SLC38A6: variants seen among roughly 807,000 people sequenced by gnomAD.
SLC38A6 encodes the protein solute carrier family 38 member 6.
A neutral mutation model predicts 65.0 loss-of-function variants in SLC38A6; 73 were observed. The ratio of observed to expected loss-of-function variants is 1.12; its 90% CI spans 0.93 to 1.37. SLC38A6 has a LOEUF of 1.37. Ranked by LOEUF, SLC38A6 falls within the 40% of genes most tolerant of loss-of-function variation. The pLI is 0.00. For missense variants in SLC38A6, 561 were observed against 531.1 expected (o/e 1.06, Z -0.55); for synonymous variants, 183 against 178.8 (o/e 1.02, Z -0.19).
chr14:61,038,901 G>C (rs1478956286), intron 8 of SLC38A6, among the ~76,000 whole-genome samples: 1 of 151,986 alleles, frequency 6.6e-6, no homozygotes, highest in African/African-American at 2.4e-5. Flanking sequence ...CACTTTGTAG[G>C]CTCCATATTG....
chr14:61,062,572 G>A (rs567526793), intron 15 of SLC38A6, among the ~76,000 whole-genome samples: 1 of 151,836 alleles, frequency 6.6e-6, no homozygotes, highest in South Asian at 2.1e-4. Context: ...AGTGATCCCA[G>A]TGCCTCAGCA....
chr14:61,029,990 A>G (rs7149009), intron 5 of SLC38A6, among the ~76,000 whole-genome samples: 35,319 of 152,052 alleles, frequency 0.23, 4,561 homozygotes, highest in Non-Finnish European at 0.29. Context: ...GTGGGGAGGC[A>G]TCTTTCTCTA....
chr14:61,017,660 A>G (rs1319851877), intron 4 of SLC38A6, among the ~76,000 whole-genome samples: 1 of 152,200 alleles, frequency 6.6e-6, no homozygotes, highest in East Asian at 1.9e-4. Context: ...TCATGTTCAT[A>G]TTTCCTGCGT....
intron 15 of SLC38A6, among the ~76,000 whole-genome samples, chr14:61,061,383 A>G (rs2042835518): frequency 6.6e-6 from 1 of 152,136 alleles, no homozygotes; most frequent in Non-Finnish European, 1.5e-5. Flanking sequence ...AAAGATATTG[A>G]CCTGAAGTTT....
chr14:61,029,445 T>G (rs1276372083), intron 5 of SLC38A6, among the ~76,000 whole-genome samples: 1 of 152,134 alleles, frequency 6.6e-6, no homozygotes, highest in Non-Finnish European at 1.5e-5. Flanking sequence ...GGGCGTTTCC[T>G]TTTTGGCCCC....
intron 3 of SLC38A6, among the ~76,000 whole-genome samples, chr14:61,013,036 T>A (rs1343313190): frequency 6.6e-6 from 1 of 152,174 alleles, no homozygotes; most frequent in Non-Finnish European, 1.5e-5. Context: ...TTTGTAGGTC[T>A]CTAAGGACTT....
intron 3 of SLC38A6, 43 bp downstream of exon 3, chr14:60,984,846 C>G: frequency 1.3e-6 from 2 of 1,557,878 alleles, no homozygotes; most frequent in East Asian, 2.2e-5. Flanking sequence ...AAAGGAGTCT[C>G]TTGAGTTTGT....
At chr14:61,064,504 C>G (rs1005462351) in intron 15 of SLC38A6, among the ~76,000 whole-genome samples, 1 of 151,136 alleles carries the variant, frequency 6.6e-6, no homozygotes, top group African/African-American at 2.4e-5. Context: ...CTGCACAAAA[C>G]TTAGTAGCAA....
chr14:61,007,362 G>A (rs1040991048), intron 3 of SLC38A6, among the ~76,000 whole-genome samples: 13 of 151,958 alleles, frequency 8.6e-5, no homozygotes, highest in Non-Finnish European at 1.3e-4. Context: ...AGATGCAGTG[G>A]CTCACACCAG....
chr14:60,984,770 G>C lies in SLC38A6; in HGVS notation c.277G>C (p.Val93Leu). The part of the protein sequence containing the change: ...LTVALLASYS[V>L]HLLLSMCIQT... ...AGTTGCTCTCCTGGCTTCTTACTCA[G>C]TCCATCTTCTGCTTAGTATGTGTAT... The change falls in exon 3 of 16, where the codon GTC (valine) becomes CTC (leucine). Residue 93 changes from valine (V) to leucine (L), a missense_variant. Physicochemically the swap from Val to Leu is conservative, Grantham distance 32 (BLOSUM62 1). Transcript: ENST00000267488. The C allele has an allele frequency of 6.2e-7, 1 of 1,613,884 alleles. No individual in the cohort carries two copies. The highest frequency in any genetic ancestry group is 1.7e-4 in the Middle Eastern group (1 of 6,060).
intron 15 of SLC38A6, among the ~76,000 whole-genome samples, chr14:61,076,412 C>T (rs948677746): frequency 2.0e-5 from 3 of 152,180 alleles, no homozygotes; most frequent in Non-Finnish European, 4.4e-5. Context: ...AGCACATTCT[C>T]ATGTAATCTG....
intron 5 of SLC38A6, among the ~76,000 whole-genome samples, chr14:61,025,557 A>G (rs1482087411): frequency 6.6e-6 from 1 of 152,144 alleles, no homozygotes; most frequent in Non-Finnish European, 1.5e-5. Flanking sequence ...TCATTTGACA[A>G]CATTTACTGG....
At chr14:61,003,876 G>T (rs566337661) in intron 3 of SLC38A6, among the ~76,000 whole-genome samples, 1 of 152,210 alleles carries the variant, frequency 6.6e-6, no homozygotes, top group African/African-American at 2.4e-5. Flanking sequence ...TATGCTGACC[G>T]GAAAGCTAGA....
chr14:61,023,033 A>G (rs2040421227), intron 5 of SLC38A6, among the ~76,000 whole-genome samples: 1 of 152,134 alleles, frequency 6.6e-6, no homozygotes, highest in African/African-American at 2.4e-5. Context: ...TGTTTTCCTA[A>G]CTTTACCTAG....
intron 12 of SLC38A6, among the ~76,000 whole-genome samples, chr14:61,049,726 C>T (rs1213222948): frequency 1.3e-5 from 2 of 152,096 alleles, no homozygotes; most frequent in Non-Finnish European, 2.9e-5. Context: ...TTCTGAAACA[C>T]TCTCAAATTA....
At chr14:61,010,333 G>C (rs2039463464) in intron 3 of SLC38A6, among the ~76,000 whole-genome samples, 1 of 152,136 alleles carries the variant, frequency 6.6e-6, no homozygotes, top group Non-Finnish European at 1.5e-5. Context: ...TAGGTTGCCT[G>C]TTCACTCTGA....
chr14:61,069,992 C>T (rs1440715305), intron 15 of SLC38A6, among the ~76,000 whole-genome samples: 1 of 152,154 alleles, frequency 6.6e-6, no homozygotes, highest in Non-Finnish European at 1.5e-5. Context: ...ACATGAAATC[C>T]TTTGCCCCTT....
rs540608118 is a variant in SLC38A6, at chr14:60,986,578, A to G, written c.310+1775A>G. Among the ~76,000 whole-genome samples the G allele has an allele frequency of 8.5e-5, 13 of 152,372 alleles. 1 individual carries two copies. In the South Asian group the frequency reaches 2.7e-3, roughly 32 times the overall value. ...AATACTAGGAAGCAGTACAAATATT[A>G]ATCCTAAAGTAACAGGTTGTTCATA... is the stretch of plus-strand genomic sequence containing the variant. On this transcript the variant is annotated intron_variant, in intron 3 of 15. Coordinates refer to ENST00000267488, the MANE Select transcript of SLC38A6 (RefSeq NM_153811.3).
chr14:61,045,309 G>A (rs1478999545), intron 10 of SLC38A6, 37 bp from the exon 11 acceptor site: 3 of 1,302,632 alleles, frequency 2.3e-6, no homozygotes, highest in Admixed American at 3.5e-5. Flanking sequence ...CAGTAGAGTG[G>A]CATTTAATAA....
Sources: allele counts gnomAD v4.1 joint callset (sites outside exome capture counted in the v4.1 genomes callset), GRCh38; gene constraint gnomAD v4.1.1; transcripts MANE v1.5; gene names NCBI Gene and HGNC (gene_info 2026-07-23, HGNC 2026-07-21).